The following ANO2 variants were observed in gnomAD, a reference collection of about 807,000 sequenced individuals.
ANO2 encodes anoctamin-2.
Under a neutral mutation model 124.2 loss-of-function variants are expected in ANO2, and 101 were observed. That is an observed-to-expected ratio of 0.81 (90% CI 0.69 to 0.96). The LOEUF (loss-of-function observed/expected upper bound fraction) is 0.96. Ranked by LOEUF, ANO2 falls within the 40% of genes least tolerant of loss-of-function variation. The pLI, the probability that ANO2 is intolerant of heterozygous loss-of-function variation, is 0.00. For synonymous variants in ANO2, 486 were observed against 482.5 expected (o/e 1.01, Z -0.09); for missense variants, 1,293 against 1,274.5 (o/e 1.01, Z -0.22).
Position 5,613,095 on chromosome 12 carries a change from G to C in ANO2, c.1929-137C>G, listed in dbSNP as rs1944626541. On this transcript the variant is annotated intron_variant, in intron 17 of 24. Coordinates refer to ENST00000682330, the MANE Select transcript of ANO2 (RefSeq NM_001364791.2). ...GTCAGGGCGAGTGCTAGATCACTCA[G>C]GGATAGGAGTGCACACTGTTATCAG... is the stretch of plus-strand genomic sequence containing the variant. The C allele has an allele frequency of 3.7e-6, 3 of 807,120 alleles. No homozygotes were observed. The Admixed American group carries it at 6.0e-5, about 16-fold the overall frequency. 50.0% of individuals were successfully genotyped at this position (807,120 alleles called of 1,614,324 possible).
chr12:5,784,066 G>A (rs1277917592), intron 10 of ANO2, among the ~76,000 whole-genome samples: 3 of 152,044 alleles, frequency 2.0e-5, no homozygotes, highest in South Asian at 2.1e-4. Flanking sequence ...CTAAACTCAT[G>A]CACACTCTTC....
At chr12:5,563,692 C>T (rs1404880726) in intron 24 of ANO2, 124 bp from the exon 25 acceptor site, 3 of 1,257,394 alleles carry the variant, frequency 2.4e-6, no homozygotes, top group Non-Finnish European at 3.3e-6. Context: ...GTGATCGCAA[C>T]CAGTGAGCAT....
chr12:5,767,955 C>T (rs1485142899), intron 10 of ANO2, among the ~76,000 whole-genome samples: 2 of 152,160 alleles, frequency 1.3e-5, no homozygotes, highest in African/African-American at 4.8e-5. Flanking sequence ...TTCATGAGAA[C>T]CTCAGGATCC....
At chr12:5,638,299 G>A (rs868336255) in intron 15 of ANO2, among the ~76,000 whole-genome samples, 5 of 145,220 alleles carry the variant, frequency 3.4e-5, no homozygotes, top group Non-Finnish European at 3.0e-5. Flanking sequence ...GCAGTGGTGC[G>A]ATCTGGGCTC....
chr12:5,882,136 T>TCAAAAA (rs1202572540), intron 3 of ANO2, among the ~76,000 whole-genome samples: 1 of 152,116 alleles, frequency 6.6e-6, no homozygotes, highest in Non-Finnish European at 1.5e-5. Context: ...AAAGGAACAG[T>TCAAAAA]CAAAAGCATT....
intron 14 of ANO2, among the ~76,000 whole-genome samples, chr12:5,670,519 C>T (rs1284607468): frequency 1.3e-5 from 2 of 152,050 alleles, no homozygotes; most frequent in African/African-American, 4.8e-5. Context: ...TGAAATGTTC[C>T]ACATGTATTA....
chr12:5,627,901 T>C (rs1250481299), intron 16 of ANO2, among the ~76,000 whole-genome samples: 1 of 151,734 alleles, frequency 6.6e-6, no homozygotes, highest in Non-Finnish European at 1.5e-5. Flanking sequence ...AAGACCAGCC[T>C]GGGAAACAAA....
At chr12:5,704,697 ATGTG>A (rs3067798) in intron 14 of ANO2, among the ~76,000 whole-genome samples, 3 of 148,648 alleles carry the variant, frequency 2.0e-5, no homozygotes, top group South Asian at 2.2e-4. Flanking sequence ...TGGTGTGTGT[ATGTG>A]TGTGTGTGTG....
chr12:5,768,645 C>T (rs1463744530), intron 10 of ANO2, among the ~76,000 whole-genome samples: 2 of 152,196 alleles, frequency 1.3e-5, no homozygotes, highest in Non-Finnish European at 2.9e-5. Flanking sequence ...CCTCTACTAC[C>T]AGCTCTTGCC....
intron 14 of ANO2, among the ~76,000 whole-genome samples, chr12:5,715,120 A>G (rs1949970795): frequency 6.6e-6 from 1 of 152,168 alleles, no homozygotes; most frequent in African/African-American, 2.4e-5. Context: ...GAAAAAAAAA[A>G]TCGGCATCCA....
intron 20 of ANO2, among the ~76,000 whole-genome samples, chr12:5,594,189 T>G (rs1425517074): frequency 6.6e-6 from 1 of 152,158 alleles, no homozygotes; most frequent in Non-Finnish European, 1.5e-5. Flanking sequence ...TCAACTGAAT[T>G]GTTGACTCAA....
rs1317074386 is a variant in ANO2, at chr12:5,925,423, C to A, written c.23-2619G>T. On this transcript the variant is annotated intron_variant, in intron 1 of 24. Transcript: ENST00000682330. The surrounding 1 kb of genome is among the most constrained non-coding windows in gnomAD (Gnocchi z 4.6). ...CTCTGCTTCCCTTCTCTCCCTCTCCCCACAAGTGATTAGAGCACAGCACAC... is the reference window on the plus strand; with the variant it reads ...CTCTGCTTCCCTTCTCTCCCTCTCCACACAAGTGATTAGAGCACAGCACAC... Among the ~76,000 whole-genome samples, 1 of 152,180 alleles carries A rather than the reference C, an allele frequency of 6.6e-6. No homozygotes were observed. Among genetic ancestry groups the A allele is most frequent in the Non-Finnish European group, 1.5e-5 (1 of 68,036 alleles).
chr12:5,794,071 G>T (rs891082358), intron 10 of ANO2, among the ~76,000 whole-genome samples: 2 of 152,198 alleles, frequency 1.3e-5, no homozygotes, highest in Non-Finnish European at 2.9e-5. Context: ...ACCTCAACCA[G>T]CTGTTGCTGC....
intron 14 of ANO2, among the ~76,000 whole-genome samples, chr12:5,683,943 G>A (rs1289920730): frequency 6.6e-6 from 1 of 152,078 alleles, no homozygotes; most frequent in African/African-American, 2.4e-5. Context: ...TCTCTCTTGA[G>A]TCTACTCCAT....
chr12:5,894,608 GTT>G (rs897937389), intron 3 of ANO2, among the ~76,000 whole-genome samples: 2 of 152,098 alleles, frequency 1.3e-5, no homozygotes, highest in African/African-American at 4.8e-5. Context: ...TTCTTCTAGG[GTT>G]TTTATAGTTT....
intron 20 of ANO2, among the ~76,000 whole-genome samples, chr12:5,582,009 C>T (rs766783797): frequency 3.0e-4 from 46 of 152,242 alleles, no homozygotes; most frequent in Non-Finnish European, 5.4e-4. Context: ...CCAAGACTCG[C>T]TCTTTTCAGT....
At chr12:5,852,552 G>GT (rs1161166858) in intron 4 of ANO2, among the ~76,000 whole-genome samples, 2 of 152,120 alleles carry the variant, frequency 1.3e-5, no homozygotes, top group East Asian at 3.9e-4. Context: ...ATTCATGATG[G>GT]TATCAGTCAT....
At chr12:5,768,434 G>A (rs548223542) in intron 10 of ANO2, among the ~76,000 whole-genome samples, 3 of 152,294 alleles carry the variant, frequency 2.0e-5, no homozygotes, top group Admixed American at 2.0e-4. Context: ...AGTGTTGTTG[G>A]AAGAGAAGAG....
chr12:5,872,365 G>A (rs530663224), intron 3 of ANO2, among the ~76,000 whole-genome samples: 3 of 152,222 alleles, frequency 2.0e-5, no homozygotes, highest in African/African-American at 7.2e-5. Context: ...CCTCACTCAG[G>A]GAATACCACA....
Sources: gnomAD v4.1 joint callset for allele counts (sites outside exome capture counted in the v4.1 genomes callset) on GRCh38, gnomAD v4.1.1 for gene constraint, Gnocchi (gnomAD v3.1) non-coding constraint, MANE v1.5 for transcripts, NCBI Gene and HGNC (gene_info 2026-07-23, HGNC 2026-07-21) for gene names.